The following ZDHHC21 variants were observed in gnomAD, a reference collection of about 807,000 sequenced individuals.
The protein encoded by ZDHHC21 is zDHHC palmitoyltransferase 21.
A neutral mutation model predicts 34.6 loss-of-function variants in ZDHHC21; 15 were observed. The ratio of observed to expected loss-of-function variants is 0.43; its 90% CI spans 0.29 to 0.67. ZDHHC21 has a LOEUF of 0.67. ZDHHC21 is among the 30% of genes least tolerant of loss of function. ZDHHC21 has a pLI of 0.14. For missense variants in ZDHHC21, 344 were observed against 327.7 expected (o/e 1.05, Z -0.38); for synonymous variants, 142 against 101.8 (o/e 1.40, Z -2.38).
At chr9:14,681,488 CAG>C (rs1837362036) in intron 2 of ZDHHC21, among the ~76,000 whole-genome samples, 2 of 152,164 alleles carry the variant, frequency 1.3e-5, no homozygotes, top group South Asian at 4.1e-4. Flanking sequence ...TAAACCATGC[CAG>C]TGAGTTTGGA....
At chr9:14,639,454 A>G (rs1828922018) in intron 8 of ZDHHC21, among the ~76,000 whole-genome samples, 1 of 152,110 alleles carries the variant, frequency 6.6e-6, no homozygotes, top group African/African-American at 2.4e-5. Context: ...CAGTAGGGTG[A>G]CTACAGTCAG....
chr9:14,656,830 G>C (rs144520755), intron 7 of ZDHHC21, among the ~76,000 whole-genome samples: 70 of 151,930 alleles, frequency 4.6e-4, no homozygotes, highest in African/African-American at 1.6e-3. Context: ...TCACCTGCTT[G>C]CATCTACAAT....
intron 5 of ZDHHC21, among the ~76,000 whole-genome samples, chr9:14,671,211 T>C (rs903010633): frequency 2.0e-5 from 3 of 152,046 alleles, no homozygotes; most frequent in Admixed American, 2.0e-4. Context: ...CTGTGAATGC[T>C]TGAATGAATA....
rs1179861633 is a variant in ZDHHC21, at chr9:14,666,609, C to A, written c.254-4283G>T. The stretch of plus-strand genomic sequence containing the variant: ...ACCACATAGTAGGAAGTAAAGCTCT[C>A]CTCAGCAAATGTAAAAGAACAGAAA... On this transcript the variant is annotated intron_variant, in intron 5 of 9. Coordinates refer to ENST00000380916, the MANE Select transcript of ZDHHC21 (RefSeq NM_178566.6). Among the ~76,000 whole-genome samples, 4 of 108,330 alleles carry A rather than the reference C, an allele frequency of 3.7e-5. 2 individuals are homozygous for A. Among genetic ancestry groups the A allele is most frequent in the Non-Finnish European group, 8.3e-5 (4 of 47,962 alleles). 71.1% of individuals were successfully genotyped at this position (108,330 alleles called of 152,430 possible).
At chr9:14,683,312 TAAAG>T (rs2131628533) in intron 2 of ZDHHC21, among the ~76,000 whole-genome samples, 1 of 135,176 alleles carries the variant, frequency 7.4e-6, no homozygotes, top group African/African-American at 2.6e-5. Context: ...GCAAGACTAA[TAAAG>T]AAGAAAAGAG....
chr9:14,603,989 A>C, the ZDHHC21 span, among the ~76,000 whole-genome samples: 2 of 152,156 alleles, frequency 1.3e-5, no homozygotes, highest in African/African-American at 4.8e-5. Context: ...TTTTCTCTCG[A>C]TATTTACAAA....
At position 14,616,963 on chromosome 9, in the gene ZDHHC21, C is replaced by T. The variant is rs977719984; in HGVS notation, c.*2003G>A. 1.3e-5 allele frequency: 2 copies of T among 151,798 alleles called. No homozygotes were observed. Among genetic ancestry groups the T allele is most frequent in the African/African-American group, 2.4e-5 (1 of 41,398 alleles). 9.4% of individuals were successfully genotyped at this position (151,798 alleles called of 1,614,324 possible). On this transcript the variant is annotated 3_prime_UTR_variant, in exon 10 of 10. Transcript: ENST00000380916. ...AGTGGGAAAGAGACCCTGCCCAGTA[C>T]CCACTGCTACTACATGAAGTATAAA...
chr9:14,672,837 TG>T lies in ZDHHC21; in HGVS notation c.245del (p.Pro82HisfsTer16). Reference sequence around the variant, plus strand: ...AAATCCAGAGTACCATACCTCCATGTGGGATCTTGGGGTTCTCAGGGAGTCT... The same window carrying T: ...AAATCCAGAGTACCATACCTCCATGTGGATCTTGGGGTTCTCAGGGAGTCT... ...PGRLPENPKI[P>X]HGEREFWELC... On this transcript the variant is annotated frameshift_variant, in exon 5 of 10. Coordinates refer to ENST00000380916, the MANE Select transcript of ZDHHC21 (RefSeq NM_178566.6). LOFTEE classifies it high-confidence loss of function. 6.2e-7 allele frequency: 1 copy of T among 1,605,778 alleles called. No individual in the cohort carries two copies.
At chr9:14,655,506 CAT>C (rs1832050818) in intron 7 of ZDHHC21, among the ~76,000 whole-genome samples, 1 of 151,838 alleles carries the variant, frequency 6.6e-6, no homozygotes. Context: ...GTCTTGTTAT[CAT>C]GTGATTTTTT....
At chr9:14,683,171 G>C (rs1193179046) in intron 2 of ZDHHC21, among the ~76,000 whole-genome samples, 1 of 152,028 alleles carries the variant, frequency 6.6e-6, no homozygotes, top group Non-Finnish European at 1.5e-5. Flanking sequence ...CAGAAGGCAA[G>C]AAATAACTAA....
At chr9:14,682,730 A>T (rs1837598848) in intron 2 of ZDHHC21, among the ~76,000 whole-genome samples, 1 of 152,228 alleles carries the variant, frequency 6.6e-6, no homozygotes, top group Non-Finnish European at 1.5e-5. Flanking sequence ...TCAACAGAAT[A>T]TACACCCTTC....
chr9:14,647,266 A>G (rs941316432), intron 7 of ZDHHC21, among the ~76,000 whole-genome samples: 4 of 152,082 alleles, frequency 2.6e-5, no homozygotes, highest in African/African-American at 9.7e-5. Context: ...AAAACTAGGC[A>G]GTGGGGGGCA....
the ZDHHC21 span, among the ~76,000 whole-genome samples, chr9:14,592,786 A>G: frequency 1.2e-4 from 18 of 152,158 alleles, no homozygotes; most frequent in Non-Finnish European, 2.4e-4. Flanking sequence ...AAATCCTAAT[A>G]AATTAAAATA....
chr9:14,615,791 CAGA>C lies in ZDHHC21; in HGVS notation c.*3172_*3174del, dbSNP rs1209508031. ...TATCTAGGTAAAAACCTTTCATTTC[CAGA>C]AGGTCGACAAATGACTTTACTGATG... On this transcript the variant is annotated 3_prime_UTR_variant, in exon 10 of 10. Coordinates refer to ENST00000380916, the MANE Select transcript of ZDHHC21 (RefSeq NM_178566.6). 1 of 151,518 alleles carries C rather than the reference CAGA, an allele frequency of 6.6e-6. No individual in the cohort carries two copies. The highest frequency in any genetic ancestry group is 1.5e-5 in the Non-Finnish European group (1 of 67,672). The allele number at this position is 151,518 out of a possible 1,614,324, so 9.4% of individuals were successfully genotyped here. A position where few individuals can be genotyped will look rare whatever the true frequency, so the allele number is the denominator to read the frequency against.
At chr9:14,655,920 T>C (rs992547120) in intron 7 of ZDHHC21, among the ~76,000 whole-genome samples, 50 of 151,602 alleles carry the variant, frequency 3.3e-4, no homozygotes, top group Non-Finnish European at 3.8e-4. Flanking sequence ...GTAATCAAGA[T>C]AGGTTGAAAG....
At chr9:14,630,858 A>C (rs935796497) in intron 8 of ZDHHC21, among the ~76,000 whole-genome samples, 3 of 152,332 alleles carry the variant, frequency 2.0e-5, no homozygotes, top group African/African-American at 7.2e-5. Context: ...TAGTGGGCTT[A>C]AAATATTCAG....
the ZDHHC21 span, among the ~76,000 whole-genome samples, chr9:14,596,247 A>T: frequency 6.6e-6 from 1 of 152,230 alleles, no homozygotes; most frequent in African/African-American, 2.4e-5. Context: ...ATGGAACAGC[A>T]GAATGAGTAT....
At chr9:14,591,426 G>C in the ZDHHC21 span, among the ~76,000 whole-genome samples, 1 of 152,148 alleles carries the variant, frequency 6.6e-6, no homozygotes, top group African/African-American at 2.4e-5. Flanking sequence ...ATCAAACACT[G>C]AATCTGCTGG....
chr9:14,684,944 C>A (rs1044269855), intron 2 of ZDHHC21, among the ~76,000 whole-genome samples: 8 of 152,134 alleles, frequency 5.3e-5, no homozygotes, highest in African/African-American at 1.2e-4. Context: ...CAAAAACAAG[C>A]AATGGGGAAA....
Sources: gnomAD v4.1 joint callset for allele counts (sites outside exome capture counted in the v4.1 genomes callset) on GRCh38, gnomAD v4.1.1 for gene constraint, MANE v1.5 for transcripts, NCBI Gene and HGNC (gene_info 2026-07-23, HGNC 2026-07-21) for gene names.